Variants in PKNOX2 observed in about 807,000 individuals in gnomAD.
PKNOX2 encodes the protein PBX/knotted 1 homeobox 2, also known as homeobox protein PKNOX2.
A neutral mutation model predicts 53.1 loss-of-function variants in PKNOX2; 14 were observed. The ratio of observed to expected loss-of-function variants is 0.26; its 90% CI spans 0.17 to 0.41. PKNOX2 has a LOEUF of 0.41. Among genes scored for constraint, PKNOX2 ranks in the 10% least tolerant of loss-of-function variants. The probability of loss-of-function intolerance (pLI) is 1.00; values close to 1 mark genes in which losing one functional copy is unlikely to be tolerated. For missense variants in PKNOX2, 496 were observed against 602.8 expected (o/e 0.82, Z 1.85); for synonymous variants, 257 against 242.8 (o/e 1.06, Z -0.54).
At chr11:125,238,554 T>G (rs1044672891) in intron 2 of PKNOX2, among the ~76,000 whole-genome samples, 2 of 152,238 alleles carry the variant, frequency 1.3e-5, no homozygotes, top group African/African-American at 4.8e-5. Flanking sequence ...TTTTCTTGTA[T>G]GACACTCAGT....
rs182059308 is a variant in PKNOX2, at chr11:125,262,220, G to C, written c.-130+27105G>C. 4.1e-3 allele frequency among the ~76,000 whole-genome samples: 619 copies of C among 152,176 alleles called. 10 individuals carry two copies. Among genetic ancestry groups the C allele is most frequent in the East Asian group, 0.032 (165 of 5,170 alleles). On this transcript the variant is annotated intron_variant, in intron 2 of 12. Coordinates refer to ENST00000298282, the MANE Select transcript of PKNOX2 (RefSeq NM_001382323.2). ...ACAGTGAGACAGTGGAGGCGGCGGT[G>C]GGGGGGTGGTTCTTTATGCAGCTGC...
intron 2 of PKNOX2, among the ~76,000 whole-genome samples, chr11:125,257,898 T>TG (rs1230789458): frequency 1.3e-5 from 2 of 152,202 alleles, no homozygotes; most frequent in African/African-American, 4.8e-5. Flanking sequence ...TAGGAAGCAC[T>TG]TTCCCTATAG....
At chr11:125,359,917 G>A (rs918044492) in intron 4 of PKNOX2, among the ~76,000 whole-genome samples, 2 of 152,268 alleles carry the variant, frequency 1.3e-5, no homozygotes, top group East Asian at 3.9e-4. Context: ...AGAGATGGAG[G>A]TTCTCCATGT....
intron 2 of PKNOX2, among the ~76,000 whole-genome samples, chr11:125,325,956 TA>T (rs1301739142): frequency 6.6e-6 from 1 of 152,206 alleles, no homozygotes. Flanking sequence ...TGGCAATGAA[TA>T]ATAATAACTA....
At chr11:125,244,219 T>G (rs896730076) in intron 2 of PKNOX2, among the ~76,000 whole-genome samples, 2 of 152,256 alleles carry the variant, frequency 1.3e-5, no homozygotes, top group African/African-American at 4.8e-5. Context: ...TCAGCAAGGC[T>G]GATCTTCCTT....
intron 2 of PKNOX2, among the ~76,000 whole-genome samples, chr11:125,324,475 T>C (rs954635758): frequency 7.2e-5 from 11 of 152,210 alleles, no homozygotes; most frequent in African/African-American, 2.4e-4. Flanking sequence ...AAATACATCT[T>C]AGGCTCTGGG....
intron 2 of PKNOX2, among the ~76,000 whole-genome samples, chr11:125,243,334 G>A (rs1293839624): frequency 1.3e-5 from 2 of 152,198 alleles, no homozygotes; most frequent in African/African-American, 4.8e-5. Flanking sequence ...CCTTCTGGGT[G>A]GACTGTCCCT....
At chr11:125,420,294 G>A (rs982528481) in intron 10 of PKNOX2, among the ~76,000 whole-genome samples, 13 of 151,452 alleles carry the variant, frequency 8.6e-5, no homozygotes, top group Non-Finnish European at 1.6e-4. Flanking sequence ...TTGGGAGGCC[G>A]AGGTGGGCAG....
chr11:125,343,579 G>A (rs1950820422), intron 3 of PKNOX2, among the ~76,000 whole-genome samples: 1 of 152,198 alleles, frequency 6.6e-6, no homozygotes, highest in South Asian at 2.1e-4. Context: ...CAAGCAGTTG[G>A]ATGAAAGGAA....
At chr11:125,387,764 G>A (rs1327631434) in intron 6 of PKNOX2, among the ~76,000 whole-genome samples, 1 of 152,026 alleles carries the variant, frequency 6.6e-6, no homozygotes, top group African/African-American at 2.4e-5. Flanking sequence ...CATCTACTTG[G>A]GTGCACCTGA....
intron 2 of PKNOX2, among the ~76,000 whole-genome samples, chr11:125,289,260 T>TC (rs1270456675): frequency 2.0e-5 from 3 of 152,092 alleles, no homozygotes; most frequent in African/African-American, 4.8e-5. Context: ...GAGATGAGCC[T>TC]CCCCTCATGA....
rs992141193 is a variant in PKNOX2, at chr11:125,370,140, T to C, written c.227+2155T>C. Reference sequence around the variant, plus strand: ...ACGAATAGTTTTTGGAAACCTAGGTTTGAGTCCCACCTCCACTGTGTCCTA... The same window carrying C: ...ACGAATAGTTTTTGGAAACCTAGGTCTGAGTCCCACCTCCACTGTGTCCTA... On this transcript the variant is annotated intron_variant, in intron 5 of 12. Coordinates refer to ENST00000298282, the MANE Select transcript of PKNOX2 (RefSeq NM_001382323.2). The surrounding 1 kb of genome is among the most constrained non-coding windows in gnomAD (Gnocchi z 4.1). Among the ~76,000 whole-genome samples, 5 of 152,148 alleles carry C rather than the reference T, an allele frequency of 3.3e-5. No individual in the cohort carries two copies. Among genetic ancestry groups the C allele is most frequent in the African/African-American group, 9.7e-5 (4 of 41,440 alleles).
chr11:125,276,766 T>C (rs192154111), intron 2 of PKNOX2, among the ~76,000 whole-genome samples: 2 of 152,228 alleles, frequency 1.3e-5, no homozygotes, highest in Admixed American at 1.3e-4. Flanking sequence ...GGTAGTTTTT[T>C]CTGACAGTGT....
At chr11:125,230,502 A>G (rs890279452) in intron 1 of PKNOX2, among the ~76,000 whole-genome samples, 1 of 152,196 alleles carries the variant, frequency 6.6e-6, no homozygotes, top group Admixed American at 6.5e-5. Context: ...GCCCATCTCA[A>G]TCAGATTTTT....
At chr11:125,399,180 T>C (rs1196881256) in intron 7 of PKNOX2, among the ~76,000 whole-genome samples, 1 of 152,248 alleles carries the variant, frequency 6.6e-6, no homozygotes, top group Non-Finnish European at 1.5e-5. Flanking sequence ...TAGTGAGTAC[T>C]GCCCAGGACA....
chr11:125,281,640 A>T (rs1403693145), intron 2 of PKNOX2, among the ~76,000 whole-genome samples: 1 of 152,218 alleles, frequency 6.6e-6, no homozygotes, highest in Non-Finnish European at 1.5e-5. Flanking sequence ...TGCTCAATGG[A>T]TGTTTGCTGA....
At chr11:125,361,881 C>A (rs1390726718) in intron 4 of PKNOX2, among the ~76,000 whole-genome samples, 4 of 152,216 alleles carry the variant, frequency 2.6e-5, no homozygotes, top group Non-Finnish European at 5.9e-5. Context: ...AGGCAGGTTT[C>A]CTGTGGGCTC....
At chr11:125,299,319 G>A (rs1225561547) in intron 2 of PKNOX2, among the ~76,000 whole-genome samples, 1 of 152,112 alleles carries the variant, frequency 6.6e-6, no homozygotes, top group East Asian at 1.9e-4. Context: ...AGATTTGGAG[G>A]GGACAAACAT....
At chr11:125,179,379 AT>A (rs1302551630) in intron 1 of PKNOX2, among the ~76,000 whole-genome samples, 1 of 152,150 alleles carries the variant, frequency 6.6e-6, no homozygotes. Flanking sequence ...CAACAGGAAG[AT>A]TTTATCCAGA....
Sources: gnomAD v4.1 joint callset for allele counts (sites outside exome capture counted in the v4.1 genomes callset) on GRCh38, gnomAD v4.1.1 for gene constraint, Gnocchi (gnomAD v3.1) non-coding constraint, MANE v1.5 for transcripts, NCBI Gene and HGNC (gene_info 2026-07-23, HGNC 2026-07-21) for gene names.